The following CHRDL2 variants were observed in gnomAD, a reference collection of about 807,000 sequenced individuals.
CHRDL2 encodes the protein chordin-like protein 2.
In CHRDL2, 41 loss-of-function variants were observed where a neutral mutation model predicts 54.3. The observed-to-expected ratio is 0.76, with a 90% CI of 0.59 to 0.98. The LOEUF (loss-of-function observed/expected upper bound fraction) is 0.98. Ranked by LOEUF, CHRDL2 falls within the 50% of genes least tolerant of loss-of-function variation. The pLI is 0.00. For missense variants in CHRDL2, 518 were observed against 562.4 expected, an observed-to-expected ratio of 0.92 and a Z score of 0.80; for synonymous variants, 220 against 224.3, an observed-to-expected ratio of 0.98 and a Z score of 0.17.
At chr11:74,707,145 C>G (rs1446715201) in intron 5 of CHRDL2, among the ~76,000 whole-genome samples, 1 of 152,226 alleles carries the variant, frequency 6.6e-6, no homozygotes, top group Non-Finnish European at 1.5e-5. Flanking sequence ...TCTTGCCTCA[C>G]TCCACAGTCT....
At chr11:74,729,189 A>G (rs1296595301) in intron 1 of CHRDL2, among the ~76,000 whole-genome samples, 2 of 152,240 alleles carry the variant, frequency 1.3e-5, no homozygotes, top group Non-Finnish European at 2.9e-5. Flanking sequence ...GGGACTAAGA[A>G]CAAGGTGTCA....
Position 74,708,374 on chromosome 11 carries a change from G to A in CHRDL2, c.454C>T (p.Leu152Phe), listed in dbSNP as rs767595652. 1 of 1,587,206 alleles carries A rather than the reference G, an allele frequency of 6.3e-7. No individual in the cohort carries two copies. Among genetic ancestry groups the A allele is most frequent in the Admixed American group, 1.8e-5 (1 of 56,104 alleles). Residue 152 changes from leucine (L) to phenylalanine (F), a missense_variant, in exon 5 of 11, where the codon CTC (leucine) becomes TTC (phenylalanine). By Grantham distance (22) the Leu-to-Phe change is conservative (BLOSUM62 0). Coordinates refer to ENST00000376332, the MANE Select transcript of CHRDL2 (RefSeq NM_001278473.3). ...SCTEGQIYCG[L>F]TTCPEPGCPA... ...CAGCCTGGTTCGGGGCAGGTTGTGA[G>A]GCCGCAGTAGATCTGGCCCTCCTGA...
chr11:74,721,552 G>A (rs529087037), intron 1 of CHRDL2, among the ~76,000 whole-genome samples: 20 of 152,356 alleles, frequency 1.3e-4, no homozygotes, highest in South Asian at 1.0e-3. Context: ...GCACAAGGAA[G>A]GGTGGCATGG....
intron 9 of CHRDL2, chr11:74,697,633 C>G (rs1478095474): frequency 4.2e-6 from 2 of 472,400 alleles, no homozygotes; most frequent in Non-Finnish European, 8.4e-6. Flanking sequence ...GTCCTGTCGC[C>G]TCCACAGTGA....
chr11:74,721,241 C>T (rs980105720), intron 1 of CHRDL2, among the ~76,000 whole-genome samples: 3 of 144,426 alleles, frequency 2.1e-5, no homozygotes, highest in African/African-American at 7.3e-5. Context: ...TCCCCTCCTC[C>T]CACCAGGGAG....
Position 74,703,513 on chromosome 11 carries a change from G to A in CHRDL2, c.752-14C>T. Reference sequence around the variant, plus strand: ...CATGCACACAGGCTGAATAAGGAGGGTGAGAAGGAAGGAGGATCAGGGCCT... The same window carrying A: ...CATGCACACAGGCTGAATAAGGAGGATGAGAAGGAAGGAGGATCAGGGCCT... On this transcript the variant is annotated splice_polypyrimidine_tract_variant and intron_variant, in intron 7 of 10. Transcript: ENST00000376332. 1.9e-6 allele frequency: 3 copies of A among 1,561,448 alleles called. No individual in the cohort carries two copies. The highest frequency in any genetic ancestry group is 8.7e-7 in the Non-Finnish European group (1 of 1,148,412).
At chr11:74,712,374 G>A (rs1201586087) in intron 3 of CHRDL2, among the ~76,000 whole-genome samples, 1 of 152,138 alleles carries the variant, frequency 6.6e-6, no homozygotes, top group African/African-American at 2.4e-5. Context: ...TGGGAAGAGA[G>A]AGGGAGTGAA....
rs755364822 is a variant in CHRDL2, at chr11:74,710,876, G to A, written c.405C>T (p.Pro135=). ...SAHELFPSRL[P]NQCVLCSCTE... is the part of the protein sequence containing the mutation. ...TGCAGCTGCAGAGGACACACTGGTT[G>A]GGCAGGCGGGAGGGGAACAGCTCAT... The change falls in exon 4 of 11, where the codon CCC becomes CCT. Residue 135 remains proline, a synonymous_variant. Coordinates refer to ENST00000376332, the MANE Select transcript of CHRDL2 (RefSeq NM_001278473.3). 1.9e-6 allele frequency: 3 copies of A among 1,614,130 alleles called. 1 individual carries two copies. The South Asian group carries it at 3.3e-5, about 18-fold the overall frequency.
At chr11:74,722,683 C>T (rs1428046093) in intron 1 of CHRDL2, among the ~76,000 whole-genome samples, 1 of 152,174 alleles carries the variant, frequency 6.6e-6, no homozygotes, top group Non-Finnish European at 1.5e-5. Flanking sequence ...ATAGCACACA[C>T]TGAGGCCAAA....
rs1053167058 is a variant in CHRDL2 at position 74,731,188 on chromosome 11, G to A, written c.-300C>T. ...ATCAAAGAAAGGGGGAAGGTGAGAG[G>A]GAGAGGAGGAGAAAGCAGGGAGAGG... On this transcript the variant is annotated 5_prime_UTR_variant, in exon 1 of 11. Transcript: ENST00000376332. This position sits in a 1 kb window ranked among gnomAD's most constrained non-coding sequence, Gnocchi z 4.4. 2.1e-5 allele frequency: 7 copies of A among 333,628 alleles called. No homozygotes were observed. The highest frequency in any genetic ancestry group is 1.5e-4 in the African/African-American group (7 of 46,004). The allele number at this position is 333,628 out of a possible 1,614,324, so 20.7% of individuals were successfully genotyped here.
intron 1 of CHRDL2, 124 bp downstream of exon 1, chr11:74,730,683 C>T (rs957399452): frequency 7.8e-6 from 7 of 894,508 alleles, no homozygotes; most frequent in South Asian, 2.9e-5. Context: ...GAGTCTCCAC[C>T]CCTCCGGCAC....
intron 1 of CHRDL2, among the ~76,000 whole-genome samples, chr11:74,724,586 A>G (rs1445188831): frequency 6.6e-6 from 1 of 152,044 alleles, no homozygotes; most frequent in Non-Finnish European, 1.5e-5. Context: ...GCCTCCTCCT[A>G]CTGTGCCTTC....
intron 1 of CHRDL2, 65 bp downstream of exon 1, chr11:74,730,742 C>T (rs536995791): frequency 2.8e-6 from 4 of 1,448,812 alleles, no homozygotes; most frequent in Admixed American, 3.9e-5. Context: ...CAGGTCCTGG[C>T]GCTGTCCCTC....
chr11:74,710,818 C>G, intron 4 of CHRDL2, 31 bp downstream of exon 4: 1 of 1,611,324 alleles, frequency 6.2e-7, no homozygotes, highest in Non-Finnish European at 8.5e-7. Context: ...AGAGCGCTGG[C>G]CTGTGCTGAA....
intron 1 of CHRDL2, among the ~76,000 whole-genome samples, chr11:74,726,456 C>T (rs983246429): frequency 4.6e-5 from 7 of 152,186 alleles, no homozygotes; most frequent in East Asian, 3.9e-4. Context: ...AGGCTTCTGG[C>T]GAGACACAAA....
At chr11:74,705,044 TCTC>T (rs756067180) in intron 6 of CHRDL2, among the ~76,000 whole-genome samples, 64 of 152,126 alleles carry the variant, frequency 4.2e-4, no homozygotes, top group Non-Finnish European at 6.0e-4. Context: ...GGCAGGCAGT[TCTC>T]CTTTGCGGAG....
chr11:74,698,994 CA>C, intron 9 of CHRDL2: 1 of 152,364 alleles, frequency 6.6e-6, no homozygotes, highest in South Asian at 2.1e-4. Flanking sequence ...GGATTACCGC[CA>C]AGGGGAACAG....
intron 6 of CHRDL2, among the ~76,000 whole-genome samples, chr11:74,705,848 A>G (rs1200589076): frequency 1.3e-5 from 2 of 151,894 alleles, no homozygotes; most frequent in African/African-American, 4.8e-5. Context: ...GCTTCTGGGG[A>G]ATCTCTGGGA....
Position 74,708,286 on chromosome 11 carries a change from G to A in CHRDL2, c.526+16C>T. ...GAGGGGTGGGTGAGTGCTGCCAGAT[G>A]GAGGGACAGACTCACCTTTGCAGGC... On this transcript the variant is annotated intron_variant, in intron 5 of 10. Transcript: ENST00000376332. 6 of 1,537,932 alleles carry A rather than the reference G, an allele frequency of 3.9e-6. No homozygotes were observed. In the South Asian group the frequency reaches 6.0e-5, roughly 15 times the overall value.
Sources: allele counts gnomAD v4.1 joint callset (sites outside exome capture counted in the v4.1 genomes callset), GRCh38; gene constraint gnomAD v4.1.1; non-coding constraint Gnocchi (gnomAD v3.1); transcripts MANE v1.5; gene names NCBI Gene and HGNC (gene_info 2026-07-23, HGNC 2026-07-21).